SCML4: variants seen among roughly 807,000 people sequenced by gnomAD.
The protein encoded by SCML4 is sex comb on midleg-like protein 4.
Under a neutral mutation model 41.1 loss-of-function variants are expected in SCML4, and 34 were observed. The ratio of observed to expected loss-of-function variants is 0.83; its 90% CI spans 0.63 to 1.10. SCML4 has a LOEUF of 1.10. Ranked by LOEUF, SCML4 falls within the 50% of genes least tolerant of loss-of-function variation. SCML4 has a pLI of 0.00. For synonymous variants in SCML4, 214 were observed against 220.9 expected, an observed-to-expected ratio of 0.97 and a Z score of 0.28; for missense variants, 522 against 534.1, an observed-to-expected ratio of 0.98 and a Z score of 0.22.
At chr6:107,707,456 GGAACCGTGCT>G in intron 7 of SCML4, among the ~76,000 whole-genome samples, 1 of 152,290 alleles carries the variant, frequency 6.6e-6, no homozygotes, top group East Asian at 1.9e-4. Flanking sequence ...ATCCGAGTCA[GGAACCGTGCT>G]GAACACCTTT....
rs1268613801 is a variant in SCML4 at position 107,705,408 on chromosome 6, AG to A, written c.1120-84del. On this transcript the variant is annotated intron_variant, in intron 7 of 7. Coordinates refer to ENST00000369020, the MANE Select transcript of SCML4 (RefSeq NM_198081.5). ...AGTGGCTAAGGTTAAGGTGTGGTCA[AG>A]GGGTGTGCTCAGGGCATATGGATTG... is the stretch of plus-strand genomic sequence containing the variant. 3.0e-6 allele frequency: 4 copies of A among 1,328,500 alleles called. No homozygotes were observed. In the East Asian group the frequency reaches 1.0e-4, roughly 33 times the overall value. The allele number at this position is 1,328,500 out of a possible 1,614,324, so 82.3% of individuals were successfully genotyped here.
At chr6:107,707,806 ACT>A (rs1773812012) in intron 7 of SCML4, 58 bp downstream of exon 7, 1 of 1,547,156 alleles carries the variant, frequency 6.5e-7, no homozygotes, top group South Asian at 1.2e-5. Context: ...CCTGGACCTC[ACT>A]CTCCTTCTGT....
At chr6:107,746,915 C>T (rs778387999) in intron 3 of SCML4, 26 bp from the exon 4 acceptor site, 2 of 1,592,404 alleles carry the variant, frequency 1.3e-6, no homozygotes, top group Admixed American at 3.4e-5. Context: ...TCACAAAGCC[C>T]TCGGCATCAG....
chr6:107,816,625 G>A (rs959645094), intron 1 of SCML4, among the ~76,000 whole-genome samples: 4 of 152,198 alleles, frequency 2.6e-5, no homozygotes, highest in Non-Finnish European at 5.9e-5. Flanking sequence ...AGAGTCCTGT[G>A]CTGTCTGCCT....
Position 107,810,830 on chromosome 6 carries a change from A to G in SCML4, c.-60+13296T>C, listed in dbSNP as rs185071575. Among the ~76,000 whole-genome samples, 467 of 152,230 alleles carry G rather than the reference A, an allele frequency of 3.1e-3. 2 individuals carry two copies. The highest frequency in any genetic ancestry group is 7.2e-3 in the Admixed American group (110 of 15,290). On this transcript the variant is annotated intron_variant, in intron 1 of 7. Coordinates refer to ENST00000369020, the MANE Select transcript of SCML4 (RefSeq NM_198081.5). ...TAGGCTATTTTATCTTTTTATAGAG[A>G]TGGGGGTCTCACTATGTTTCCCAGG...
At chr6:107,836,456 A>T in the SCML4 span, among the ~76,000 whole-genome samples, 1 of 152,126 alleles carries the variant, frequency 6.6e-6, no homozygotes, top group Admixed American at 6.5e-5. Context: ...CTCAAGTCCA[A>T]TGTCCAGATA....
chr6:107,788,179 C>A (rs997176273), intron 1 of SCML4, among the ~76,000 whole-genome samples: 1 of 152,180 alleles, frequency 6.6e-6, no homozygotes, highest in South Asian at 2.1e-4. Flanking sequence ...TTTGCTTCCC[C>A]AATAGACAAG....
chr6:107,719,977 G>A (rs930289137), intron 6 of SCML4: 36 of 985,322 alleles, frequency 3.7e-5, no homozygotes, highest in Middle Eastern at 5.2e-4. Flanking sequence ...CCCTTATAGC[G>A]CTTTTGTAGA....
intron 1 of SCML4, among the ~76,000 whole-genome samples, chr6:107,814,154 A>G (rs559276886): frequency 1.3e-5 from 2 of 152,364 alleles, no homozygotes; most frequent in South Asian, 4.1e-4. Flanking sequence ...ATCTCCATGG[A>G]AGGAATGTCA....
intron 2 of SCML4, among the ~76,000 whole-genome samples, chr6:107,766,069 G>A (rs1780009068): frequency 6.6e-6 from 1 of 152,166 alleles, no homozygotes; most frequent in Admixed American, 6.6e-5. Context: ...AGGACTGCTT[G>A]AGGCCAAGAG....
chr6:107,778,254 T>A (rs1212027030), intron 1 of SCML4, among the ~76,000 whole-genome samples: 37 of 93,594 alleles, frequency 4.0e-4, no homozygotes, highest in African/African-American at 1.4e-3. Context: ...TATATATATA[T>A]ATATATATAT....
At chr6:107,735,081 G>A (rs535628886) in intron 5 of SCML4, among the ~76,000 whole-genome samples, 1 of 152,184 alleles carries the variant, frequency 6.6e-6, no homozygotes, top group East Asian at 1.9e-4. Context: ...TCACCATGTT[G>A]GCCAGGCTGG....
chr6:107,714,203 G>C (rs531393230), intron 6 of SCML4, among the ~76,000 whole-genome samples: 2 of 152,270 alleles, frequency 1.3e-5, no homozygotes, highest in South Asian at 4.2e-4. Context: ...TGAGGAGAGA[G>C]CATGTCTCTA....
chr6:107,779,145 A>T (rs1233512923), intron 1 of SCML4, among the ~76,000 whole-genome samples: 2 of 151,958 alleles, frequency 1.3e-5, no homozygotes, highest in African/African-American at 4.8e-5. Context: ...GCGCCACTGC[A>T]CTCCAGCCTG....
At chr6:107,707,103 C>A (rs1583355995) in intron 7 of SCML4, among the ~76,000 whole-genome samples, 1 of 152,288 alleles carries the variant, frequency 6.6e-6, no homozygotes, top group Non-Finnish European at 1.5e-5. Flanking sequence ...TGGGATGAGA[C>A]CAGCCTGGCC....
intron 5 of SCML4, among the ~76,000 whole-genome samples, chr6:107,738,173 C>T (rs1467872765): frequency 6.6e-6 from 1 of 152,208 alleles, no homozygotes; most frequent in African/African-American, 2.4e-5. Flanking sequence ...CCTCCATTCT[C>T]CTAAAACACC....
chr6:107,716,908 C>T (rs1715214737), intron 6 of SCML4, among the ~76,000 whole-genome samples: 1 of 152,072 alleles, frequency 6.6e-6, no homozygotes, highest in South Asian at 2.1e-4. Flanking sequence ...CTTCTCCCCA[C>T]CCACTTCCTC....
upstream of SCML4, among the ~76,000 whole-genome samples, chr6:107,828,493 G>C (rs76887829): frequency 0.03 from 4,579 of 152,270 alleles, 246 homozygotes; most frequent in African/African-American, 0.1. Flanking sequence ...GGGGCAAAAA[G>C]TGTCCTTTCT....
At chr6:107,834,383 T>A in the SCML4 span, among the ~76,000 whole-genome samples, 1 of 152,286 alleles carries the variant, frequency 6.6e-6, no homozygotes, top group South Asian at 2.1e-4. Flanking sequence ...AAAGTTCACC[T>A]CCTCAGCAGA....
Sources: allele counts gnomAD v4.1 joint callset (sites outside exome capture counted in the v4.1 genomes callset), GRCh38; gene constraint gnomAD v4.1.1; transcripts MANE v1.5; gene names NCBI Gene and HGNC (gene_info 2026-07-23, HGNC 2026-07-21).